ADAMTS12: variants seen among roughly 807,000 people sequenced by gnomAD.
ADAMTS12 encodes A disintegrin and metalloproteinase with thrombospondin motifs 12.
A neutral mutation model predicts 167.8 loss-of-function variants in ADAMTS12; 118 were observed. That is an observed-to-expected ratio of 0.70 (90% confidence interval 0.61 to 0.82). The LOEUF is 0.82. ADAMTS12 is among the 40% of genes least tolerant of loss of function. The pLI is 0.00. For missense variants in ADAMTS12, 1,916 were observed against 1,998.8 expected (o/e 0.96, Z 0.79); for synonymous variants, 704 against 716.9 (o/e 0.98, Z 0.29).
chr5:33,728,162 C>T (rs755181624), intron 3 of ADAMTS12, among the ~76,000 whole-genome samples: 15 of 152,184 alleles, frequency 9.9e-5, no homozygotes, highest in Non-Finnish European at 1.8e-4. Flanking sequence ...CCATCCTCTT[C>T]CCCTAGAAGG....
intron 3 of ADAMTS12, among the ~76,000 whole-genome samples, chr5:33,712,246 T>TA (rs1481680755): frequency 5.3e-5 from 8 of 152,166 alleles, no homozygotes; most frequent in Middle Eastern, 3.4e-3. Context: ...CTGGAAAACA[T>TA]AAAAAACCTC....
chr5:33,570,696 C>A (rs1746285628), intron 19 of ADAMTS12, among the ~76,000 whole-genome samples: 1 of 151,632 alleles, frequency 6.6e-6, no homozygotes, highest in African/African-American at 2.4e-5. Context: ...AACTAACAAG[C>A]AAAATAACCA....
intron 7 of ADAMTS12, among the ~76,000 whole-genome samples, chr5:33,654,812 C>T (rs1740986492): frequency 6.6e-6 from 1 of 151,506 alleles, no homozygotes; most frequent in Non-Finnish European, 1.5e-5. Flanking sequence ...GAATTTTCTG[C>T]CTTGTTAGAC....
intron 2 of ADAMTS12, among the ~76,000 whole-genome samples, chr5:33,758,998 G>C (rs146668351): frequency 6.6e-6 from 1 of 152,190 alleles, no homozygotes; most frequent in Non-Finnish European, 1.5e-5. Context: ...CCCACTAACC[G>C]AAGTAGAACC....
chr5:33,682,802 G>C (rs1303204461), intron 5 of ADAMTS12, among the ~76,000 whole-genome samples: 3 of 152,164 alleles, frequency 2.0e-5, no homozygotes, highest in East Asian at 1.9e-4. Context: ...TGACTGTCAA[G>C]AGATTTCAAC....
chr5:33,735,515 A>C lies in ADAMTS12; in HGVS notation c.634+15889T>G, dbSNP rs146295130. Among the ~76,000 whole-genome samples, 118 of 152,284 alleles carry C rather than the reference A, an allele frequency of 7.7e-4. No individual in the cohort carries two copies. The East Asian group carries it at 0.018, about 24-fold the overall frequency. Reference sequence around the variant, plus strand: ...AAATGTAACCACTTAAAAATGTAAAATCCATTCCTAGCTATCAGGCTGTAC... The same window carrying C: ...AAATGTAACCACTTAAAAATGTAAACTCCATTCCTAGCTATCAGGCTGTAC... On this transcript the variant is annotated intron_variant, in intron 3 of 23. Coordinates refer to ENST00000504830, the MANE Select transcript of ADAMTS12 (RefSeq NM_030955.4).
chr5:33,743,021 G>C (rs1199253400), intron 3 of ADAMTS12, among the ~76,000 whole-genome samples: 2 of 152,240 alleles, frequency 1.3e-5, no homozygotes, highest in African/African-American at 4.8e-5. Flanking sequence ...ACAGTGGTCA[G>C]GGAAGGCTTC....
chr5:33,635,057 G>C (rs1740126466), intron 12 of ADAMTS12, among the ~76,000 whole-genome samples: 1 of 152,056 alleles, frequency 6.6e-6, no homozygotes, highest in Non-Finnish European at 1.5e-5. Context: ...GGTAAGTGCA[G>C]TAATGAGTTT....
intron 3 of ADAMTS12, among the ~76,000 whole-genome samples, chr5:33,739,010 C>G (rs775107116): frequency 9.2e-5 from 14 of 152,154 alleles, no homozygotes; most frequent in Non-Finnish European, 1.3e-4. Context: ...CAAGGGAAAG[C>G]CTTTCGTTCG....
chr5:33,887,199 T>C (rs1437313016), intron 1 of ADAMTS12, among the ~76,000 whole-genome samples: 9 of 152,214 alleles, frequency 5.9e-5, no homozygotes, highest in Admixed American at 5.9e-4. Context: ...TTTTATCATT[T>C]CTATGGTCAA....
At chr5:33,776,722 G>A (rs1391588216) in intron 2 of ADAMTS12, among the ~76,000 whole-genome samples, 5 of 151,814 alleles carry the variant, frequency 3.3e-5, no homozygotes, top group African/African-American at 7.3e-5. Flanking sequence ...AAAGATCAGA[G>A]CAGAGATAAA....
At chr5:33,585,173 T>A (rs1048881636) in intron 18 of ADAMTS12, among the ~76,000 whole-genome samples, 3 of 152,196 alleles carry the variant, frequency 2.0e-5, no homozygotes, top group African/African-American at 7.2e-5. Flanking sequence ...TTTGGCAATT[T>A]ATTTTAAAGC....
At chr5:33,709,595 T>G (rs13190046) in intron 3 of ADAMTS12, among the ~76,000 whole-genome samples, 1 of 151,666 alleles carries the variant, frequency 6.6e-6, no homozygotes, top group Admixed American at 6.6e-5. Flanking sequence ...CTCAGCAAAC[T>G]AAAGCAGGAA....
At chr5:33,817,636 T>C (rs768548748) in intron 2 of ADAMTS12, among the ~76,000 whole-genome samples, 4 of 152,246 alleles carry the variant, frequency 2.6e-5, no homozygotes, top group Non-Finnish European at 5.9e-5. Context: ...GATTATTTTG[T>C]GGCAAATTCC....
intron 2 of ADAMTS12, among the ~76,000 whole-genome samples, chr5:33,813,812 G>A (rs796773463): frequency 3.9e-5 from 6 of 152,352 alleles, no homozygotes; most frequent in African/African-American, 1.4e-4. Context: ...CTCATCTGAT[G>A]CCATGTGGAG....
intron 3 of ADAMTS12, among the ~76,000 whole-genome samples, chr5:33,699,067 G>T (rs1359690222): frequency 2.6e-5 from 4 of 152,278 alleles, no homozygotes; most frequent in East Asian, 3.9e-4. Flanking sequence ...TGAGGCAGGA[G>T]AATTGCTTGA....
At chr5:33,817,142 T>C (rs1747690755) in intron 2 of ADAMTS12, among the ~76,000 whole-genome samples, 1 of 152,200 alleles carries the variant, frequency 6.6e-6, no homozygotes, top group African/African-American at 2.4e-5. Context: ...TTTGGAAAGA[T>C]AAGTCACACA....
chr5:33,577,001 T>G lies in ADAMTS12; in HGVS notation c.3025A>C (p.Thr1009Pro). 6.2e-7 allele frequency: 1 copy of G among 1,614,186 alleles called. No individual in the cohort carries two copies. The highest frequency in any genetic ancestry group is 8.5e-7 in the Non-Finnish European group (1 of 1,180,022). The change falls in exon 19 of 24, where the codon ACT becomes CCT. Residue 1009 changes from threonine to proline, a missense_variant. Physicochemically the swap from Thr to Pro is conservative, Grantham distance 38. Coordinates refer to ENST00000504830, the MANE Select transcript of ADAMTS12 (RefSeq NM_030955.4). ...GGTGGGTTTTTTCCATTGGAAATAG[T>G]GCCTTTGTTTGGTTTCAGAACTCTC... ...SRRVLKPNKG[T>P]ISNGKNPPTL...
At chr5:33,675,941 G>A (rs1741884811) in intron 5 of ADAMTS12, among the ~76,000 whole-genome samples, 1 of 152,166 alleles carries the variant, frequency 6.6e-6, no homozygotes, top group East Asian at 1.9e-4. Flanking sequence ...GAGGGAACTT[G>A]TGCTAAACAT....
Sources: gnomAD v4.1 joint callset for allele counts (sites outside exome capture counted in the v4.1 genomes callset) on GRCh38, gnomAD v4.1.1 for gene constraint, MANE v1.5 for transcripts, NCBI Gene and HGNC (gene_info 2026-07-23, HGNC 2026-07-21) for gene names.